ACSL3: variants seen among roughly 807,000 people sequenced by gnomAD.
The protein encoded by ACSL3 is fatty acid CoA ligase Acsl3.
A neutral mutation model predicts 84.7 loss-of-function variants in ACSL3; 34 were observed. That is an observed-to-expected ratio of 0.40 (90% confidence interval 0.31 to 0.53). The LOEUF (loss-of-function observed/expected upper bound fraction) is 0.53, where lower values mean the gene tolerates loss of function less well. Among genes scored for constraint, ACSL3 ranks in the 20% least tolerant of loss-of-function variants. ACSL3 has a pLI of 0.48. For synonymous variants in ACSL3, 315 were observed against 299.4 expected, an observed-to-expected ratio of 1.05 and a Z score of -0.54; for missense variants, 680 against 873.1, an observed-to-expected ratio of 0.78 and a Z score of 2.79.
At position 222,861,237 on chromosome 2, in the gene ACSL3, G is replaced by C. The variant is rs1418492313; in HGVS notation, c.-228G>C. Reference sequence around the variant, plus strand: ...GGCCTGCGCGGGCCCGAGGCCGGAGGAACCCGGACTCCGGCGTAGCGGTGA... The same window carrying C: ...GGCCTGCGCGGGCCCGAGGCCGGAGCAACCCGGACTCCGGCGTAGCGGTGA... On this transcript the variant is annotated 5_prime_UTR_variant, in exon 1 of 17. Coordinates refer to ENST00000357430, the MANE Select transcript of ACSL3 (RefSeq NM_004457.5). The C allele has an allele frequency of 6.6e-6, 1 of 152,294 alleles. No homozygotes were observed. Among genetic ancestry groups the C allele is most frequent in the East Asian group, 1.9e-4 (1 of 5,154 alleles). The allele number at this position is 152,294 out of a possible 1,614,324, so 9.4% of individuals were successfully genotyped here.
chr2:222,910,041 T>A (rs571696249), intron 4 of ACSL3, among the ~76,000 whole-genome samples: 4 of 152,188 alleles, frequency 2.6e-5, no homozygotes, highest in African/African-American at 9.6e-5. Context: ...CTTGTGAGGA[T>A]TGAGTGTGTG....
intron 2 of ACSL3, among the ~76,000 whole-genome samples, chr2:222,894,006 A>C (rs919726783): frequency 1.3e-5 from 2 of 152,178 alleles, no homozygotes; most frequent in African/African-American, 4.8e-5. Context: ...AGAAGCTTTC[A>C]TATGAGCATT....
intron 4 of ACSL3, among the ~76,000 whole-genome samples, chr2:222,913,410 T>C (rs1294849426): frequency 6.6e-6 from 1 of 152,208 alleles, no homozygotes; most frequent in Non-Finnish European, 1.5e-5. Flanking sequence ...GGCTGGGATT[T>C]GTGGGTTGGT....
chr2:222,880,455 A>G (rs1414818555), intron 1 of ACSL3, among the ~76,000 whole-genome samples: 3 of 152,144 alleles, frequency 2.0e-5, no homozygotes, highest in Non-Finnish European at 4.4e-5. Context: ...TATTACATGA[A>G]GTATTTTAAA....
At chr2:222,924,050 T>C (rs1412327369) in intron 10 of ACSL3, among the ~76,000 whole-genome samples, 1 of 152,198 alleles carries the variant, frequency 6.6e-6, no homozygotes, top group Non-Finnish European at 1.5e-5. Context: ...TACTGTATAT[T>C]TTTATAAGAT....
At chr2:222,906,183 C>A (rs1175441032) in intron 3 of ACSL3, among the ~76,000 whole-genome samples, 3 of 152,198 alleles carry the variant, frequency 2.0e-5, no homozygotes, top group South Asian at 2.1e-4. Flanking sequence ...AGCTATTACA[C>A]TGAGGTTTGT....
At chr2:222,904,626 T>G in intron 3 of ACSL3, 1 of 153,534 alleles carries the variant, frequency 6.5e-6, no homozygotes. Context: ...TAGCAAGTTG[T>G]TTTTTTCTGT....
Position 222,910,083 on chromosome 2 carries a change from T to C in ACSL3, c.378+933T>C, listed in dbSNP as rs554347192. On this transcript the variant is annotated intron_variant, in intron 4 of 16. Coordinates refer to ENST00000357430, the MANE Select transcript of ACSL3 (RefSeq NM_004457.5). ...TATCTGCAATGTGCTTAGAACAATT[T>C]GTGGCACTTAATGTAAATGCTCTAG... Among the ~76,000 whole-genome samples the C allele has an allele frequency of 2.9e-3, 436 of 152,352 alleles. 2 individuals carry two copies. The highest frequency in any genetic ancestry group is 0.01 in the African/African-American group (421 of 41,576).
At chr2:222,891,467 A>G (rs770293590) in intron 2 of ACSL3, among the ~76,000 whole-genome samples, 3 of 152,200 alleles carry the variant, frequency 2.0e-5, no homozygotes, top group Non-Finnish European at 4.4e-5. Context: ...TTGTGTATCT[A>G]ACTGAAAAAG....
At chr2:222,905,923 A>G (rs1696280252) in intron 3 of ACSL3, among the ~76,000 whole-genome samples, 2 of 149,318 alleles carry the variant, frequency 1.3e-5, no homozygotes, top group Admixed American at 1.3e-4. Context: ...GAACATATTT[A>G]TAATAGCTGC....
chr2:222,936,071 T>C (rs1374978530), intron 16 of ACSL3, among the ~76,000 whole-genome samples: 3 of 152,206 alleles, frequency 2.0e-5, no homozygotes, highest in Admixed American at 6.5e-5. Context: ...ATTCATATTG[T>C]ACCATGTGAT....
chr2:222,873,381 C>G (rs985382403), intron 1 of ACSL3, among the ~76,000 whole-genome samples: 3 of 152,106 alleles, frequency 2.0e-5, no homozygotes, highest in Non-Finnish European at 4.4e-5. Context: ...AGTGTCTTCT[C>G]TAAGTTTACT....
At chr2:222,920,621 C>A (rs1042750606) in intron 7 of ACSL3, among the ~76,000 whole-genome samples, 1 of 152,084 alleles carries the variant, frequency 6.6e-6, no homozygotes, top group Non-Finnish European at 1.5e-5. Context: ...TACCTTTTTT[C>A]CCCTTGTAAA....
intron 7 of ACSL3, 24 bp downstream of exon 7, chr2:222,919,226 T>G (rs564645237): frequency 7.5e-6 from 12 of 1,609,896 alleles, no homozygotes; most frequent in Non-Finnish European, 1.0e-5. Flanking sequence ...TTCTAATTCC[T>G]TACCTGTGCT....
intron 1 of ACSL3, among the ~76,000 whole-genome samples, 196 bp from the exon 2 acceptor site, chr2:222,887,634 A>G (rs1049167808): frequency 1.3e-5 from 2 of 152,122 alleles, no homozygotes; most frequent in African/African-American, 4.8e-5. Context: ...TGTGTGTACT[A>G]TATGTTTTTG....
chr2:222,887,242 G>A (rs1474274385), intron 1 of ACSL3, among the ~76,000 whole-genome samples: 1 of 152,058 alleles, frequency 6.6e-6, no homozygotes, highest in Admixed American at 6.6e-5. Flanking sequence ...TTCATGTCTT[G>A]TCATGGCTTG....
chr2:222,942,691 G>T lies in ACSL3; in HGVS notation c.*1037G>T, dbSNP rs182934895. 7.6e-5 allele frequency: 16 copies of T among 210,644 alleles called. No individual in the cohort carries two copies. In the East Asian group the frequency reaches 1.2e-3, roughly 15 times the overall value. The allele number at this position is 210,644 out of a possible 1,614,324, so 13.0% of individuals were successfully genotyped here. ...TTTGCACTGATGCGTGTATGGATGT[G>T]TGTGAGTCAGTGGTAGCTTATTTAA... On this transcript the variant is annotated 3_prime_UTR_variant, in exon 17 of 17. Transcript: ENST00000357430.
chr2:222,893,608 A>G (rs187186319), intron 2 of ACSL3, among the ~76,000 whole-genome samples: 51 of 152,298 alleles, frequency 3.3e-4, no homozygotes, highest in African/African-American at 1.2e-3. Context: ...GTGGCAACCT[A>G]CTTTTTTCCT....
chr2:222,903,198 C>T (rs1320993684), intron 3 of ACSL3, among the ~76,000 whole-genome samples: 1 of 152,090 alleles, frequency 6.6e-6, no homozygotes, highest in Admixed American at 6.5e-5. Context: ...AGTGCAGTGG[C>T]ATGATCTTAA....
Sources: gnomAD v4.1 joint callset for allele counts (sites outside exome capture counted in the v4.1 genomes callset) on GRCh38, gnomAD v4.1.1 for gene constraint, MANE v1.5 for transcripts, NCBI Gene and HGNC (gene_info 2026-07-23, HGNC 2026-07-21) for gene names.